Variants in SEC16B observed in about 807,000 individuals in gnomAD.
SEC16B encodes SEC16 homolog B, endoplasmic reticulum export factor.
In SEC16B, 115 loss-of-function variants were observed where a neutral mutation model predicts 141.8. The observed-to-expected ratio is 0.81, with a 90% CI of 0.70 to 0.95. The LOEUF is 0.95. Ranked by LOEUF, SEC16B falls within the 40% of genes least tolerant of loss-of-function variation. SEC16B has a pLI of 0.00. For missense variants in SEC16B, 1,291 were observed against 1,312.3 expected (o/e 0.98, Z 0.25); for synonymous variants, 493 against 492.5 (o/e 1.00, Z -0.01).
At chr1:177,929,998 C>A in intron 25 of SEC16B, 69 bp from the exon 26 acceptor site, 1 of 1,512,118 alleles carries the variant, frequency 6.6e-7, no homozygotes, top group Non-Finnish European at 9.1e-7. Flanking sequence ...GTTGATTGGA[C>A]AGATGGAGCT....
In SEC16B at chr1:177,981,941, T is replaced by C. The variant is rs572658691; in HGVS notation, c.-59+2265A>G. Reference sequence around the variant, plus strand: ...ATCAGCATACAAGTCATAATTAAAATCTCAGATATGAATCAGATTGTCAAA... The same window carrying C: ...ATCAGCATACAAGTCATAATTAAAACCTCAGATATGAATCAGATTGTCAAA... On this transcript the variant is annotated intron_variant and NMD_transcript_variant, in intron 1 of 24. Coordinates refer to the SEC16B transcript ENST00000528461. Among the ~76,000 whole-genome samples, 28 of 152,270 alleles carry C rather than the reference T, an allele frequency of 1.8e-4. No individual in the cohort carries two copies. In the South Asian group the frequency reaches 5.8e-3, roughly 32 times the overall value.
intron 24 of SEC16B, among the ~76,000 whole-genome samples, chr1:177,931,941 A>G (rs1273582116): frequency 1.3e-5 from 2 of 152,114 alleles, no homozygotes; most frequent in Admixed American, 6.5e-5. Flanking sequence ...GCAAGTCCCC[A>G]GGCTTCCCCC....
rs1462313300 is a variant in SEC16B at position 177,951,960 on chromosome 1, T to G, written c.1499A>C (p.Gln500Pro). Residue 500 changes from glutamine to proline, a missense_variant, in exon 12 of 26, where the codon CAG (glutamine) becomes CCG (proline). This residue lies in a region of SEC16B where 681 missense variants were observed against 675.5 expected (regional missense o/e 1.01). Transcript: ENST00000308284. The part of the protein sequence containing the change: ...TSTLALNDPL[Q>P]TLFQLMSGRI... ...CCCCGACATGAGCTGGAAGAGGGTC[T>G]GCAGTGGGTCATTGAGCGCCAGCGT... 1 of 1,607,282 alleles carries G rather than the reference T, an allele frequency of 6.2e-7. No individual in the cohort carries two copies. Among genetic ancestry groups the G allele is most frequent in the Non-Finnish European group, 8.5e-7 (1 of 1,177,318 alleles).
rs76776745 is a variant in SEC16B, at chr1:177,929,729, C to T, written c.*129G>A. The stretch of plus-strand genomic sequence containing the variant: ...CCTGTCCTCTTGCCTTCTAAGTGCC[C>T]GGTGGAGGCATCGGGCTAGCACAAA... On this transcript the variant is annotated 3_prime_UTR_variant, in exon 26 of 26. Transcript: ENST00000308284. 4.2e-4 allele frequency: 380 copies of T among 899,934 alleles called. 1 individual carries two copies. In the African/African-American group the frequency reaches 5.4e-3, roughly 13 times the overall value. The allele number at this position is 899,934 out of a possible 1,614,324, so 55.7% of individuals were successfully genotyped here.
At chr1:177,948,677 T>A in intron 12 of SEC16B, 1 of 1,264,522 alleles carries the variant, frequency 7.9e-7, no homozygotes, top group South Asian at 1.4e-5. Flanking sequence ...AAAATATCAA[T>A]AAAGAAACAA....
rs1650223791 is a variant in SEC16B at position 177,928,946 on chromosome 1, T to C, written c.*912A>G. Reference sequence around the variant, plus strand: ...ACAAACAGCAAGAGTCATTCCTATTTTGGGTTTGAAAAGAGAAATGGAAAT... The same window carrying C: ...ACAAACAGCAAGAGTCATTCCTATTCTGGGTTTGAAAAGAGAAATGGAAAT... On this transcript the variant is annotated 3_prime_UTR_variant, in exon 26 of 26. Transcript: ENST00000308284. The C allele has an allele frequency of 6.6e-6, 1 of 152,218 alleles. No individual in the cohort carries two copies. The highest frequency in any genetic ancestry group is 2.4e-5 in the African/African-American group (1 of 41,418). 9.4% of individuals were successfully genotyped at this position (152,218 alleles called of 1,614,324 possible). A position where few individuals can be genotyped will look rare whatever the true frequency, so the allele number is the denominator to read the frequency against.
rs1159613914 is a variant in SEC16B at position 177,965,145 on chromosome 1, A to G, written c.435T>C (p.Tyr145=). 1.2e-6 allele frequency: 2 copies of G among 1,613,628 alleles called. No individual in the cohort carries two copies. The highest frequency in any genetic ancestry group is 2.7e-5 in the African/African-American group (2 of 75,050). ...GCTCTCGGTAATCTTCGTGCCAGAT[A>G]TAAGGACTCCGTTGCCTTGGCACTG... is the stretch of plus-strand genomic sequence containing the variant. ...EERVPRQRSP[Y]IWHEDYREQK... is the part of the protein sequence containing the mutation. The change falls in exon 4 of 26, where the codon TAT becomes TAC. Residue 145 remains tyrosine (Y), a synonymous_variant. Transcript: ENST00000308284.
Position 177,933,603 on chromosome 1 carries a change from C to G in SEC16B, c.2605G>C (p.Glu869Gln). Residue 869 changes from glutamate to glutamine, a missense_variant, in exon 21 of 26, where the codon GAG becomes CAG. This residue lies in a region of SEC16B where 605 missense variants were observed against 614.1 expected (regional missense o/e 0.99). Coordinates refer to ENST00000308284, the MANE Select transcript of SEC16B (RefSeq NM_033127.4). Reference protein sequence around the residue: ...PLAARPRSISESSASSAKEDE... With the variant: ...PLAARPRSISQSSASSAKEDE... ...TCCTTGGCTGAACTGGCGGAACTCT[C>G]AGAAATACTTCGTGGTCTAGCAGCC... The G allele has an allele frequency of 3.7e-6, 6 of 1,613,984 alleles. No individual in the cohort carries two copies. Among genetic ancestry groups the G allele is most frequent in the Non-Finnish European group, 5.1e-6 (6 of 1,179,878 alleles).
chr1:177,967,400 T>G (rs1571351522), intron 2 of SEC16B, among the ~76,000 whole-genome samples: 1 of 152,120 alleles, frequency 6.6e-6, no homozygotes, highest in Non-Finnish European at 1.5e-5. Flanking sequence ...ATTTCACCAC[T>G]TTTTCTACCC....
chr1:177,929,056 T>G lies in SEC16B; in HGVS notation c.*802A>C, dbSNP rs1471462186. On this transcript the variant is annotated 3_prime_UTR_variant, in exon 26 of 26. Transcript: ENST00000308284. ...AGGCCTGAGGTAGAAAGGGAGGTAT[T>G]AACAATATCAGGCACTCATTCTTCC... is the stretch of plus-strand genomic sequence containing the variant. The G allele has an allele frequency of 6.6e-6, 1 of 152,598 alleles. No individual in the cohort carries two copies. Among genetic ancestry groups the G allele is most frequent in the Non-Finnish European group, 1.5e-5 (1 of 68,042 alleles). 9.5% of individuals were successfully genotyped at this position (152,598 alleles called of 1,614,324 possible). A position where few individuals can be genotyped will look rare whatever the true frequency, so the allele number is the denominator to read the frequency against.
At chr1:177,963,921 A>G (rs1412838129) in intron 5 of SEC16B, among the ~76,000 whole-genome samples, 2 of 152,150 alleles carry the variant, frequency 1.3e-5, no homozygotes, top group South Asian at 4.1e-4. Flanking sequence ...GCTAGGTGAC[A>G]TTTCTTGATC....
intron 20 of SEC16B, among the ~76,000 whole-genome samples, chr1:177,934,294 C>T (rs932755656): frequency 1.3e-5 from 2 of 152,134 alleles, no homozygotes; most frequent in African/African-American, 2.4e-5. Flanking sequence ...TACCTAACTC[C>T]CCATCTCCCC....
intron 20 of SEC16B, among the ~76,000 whole-genome samples, chr1:177,934,468 T>C (rs549906177): frequency 3.9e-5 from 6 of 152,368 alleles, no homozygotes; most frequent in African/African-American, 7.2e-5. Flanking sequence ...GGAAATACTT[T>C]AGGAAAATAA....
chr1:177,961,567 C>T (rs762248933), intron 6 of SEC16B, 23 bp downstream of exon 6: 2 of 1,593,602 alleles, frequency 1.3e-6, no homozygotes, highest in Non-Finnish European at 1.7e-6. Flanking sequence ...TCAATCAACT[C>T]TTCTGATCAT....
chr1:177,970,982 T>C (rs1021062190), upstream of SEC16B, among the ~76,000 whole-genome samples: 1 of 152,100 alleles, frequency 6.6e-6, no homozygotes, highest in Admixed American at 6.6e-5. Context: ...CATGGTCATA[T>C]AGGGTCATGT....
At chr1:177,980,887 G>A (rs1234344864) in intron 1 of SEC16B, among the ~76,000 whole-genome samples, 1 of 152,106 alleles carries the variant, frequency 6.6e-6, no homozygotes, top group Non-Finnish European at 1.5e-5. Context: ...GTTCTGGGCA[G>A]AACAGACATG....
At chr1:177,944,780 G>A in intron 14 of SEC16B, 114 bp from the exon 15 acceptor site, 4 of 802,058 alleles carry the variant, frequency 5.0e-6, no homozygotes, top group Non-Finnish European at 8.0e-6. Context: ...TTCCATCCTG[G>A]GCTGATGCCT....
intron 9 of SEC16B, 168 bp from the exon 10 acceptor site, chr1:177,958,530 C>G (rs1010252500): frequency 1.6e-6 from 1 of 610,424 alleles, no homozygotes; most frequent in African/African-American, 1.9e-5. Context: ...TTCAGCATCA[C>G]TATCATGGTT....
rs141225798 is a variant in SEC16B at position 177,938,971 on chromosome 1, G to A, written c.2203+731C>T. 1.2e-3 allele frequency among the ~76,000 whole-genome samples: 176 copies of A among 152,358 alleles called. No individual in the cohort carries two copies. In the Middle Eastern group the frequency reaches 0.014, roughly 12 times the overall value. On this transcript the variant is annotated intron_variant, in intron 18 of 25. Transcript: ENST00000308284. ...GCTCCACTGGGCACCAAGGCATCAG[G>A]AGGCAGGGCTGTGGGGAAGCACAAT...
Sources: allele counts gnomAD v4.1 joint callset (sites outside exome capture counted in the v4.1 genomes callset), GRCh38; gene constraint gnomAD v4.1.1; regional missense constraint gnomAD v4.1.1; transcripts MANE v1.5; gene names NCBI Gene and HGNC (gene_info 2026-07-23, HGNC 2026-07-21).